The following TENM4 variants were observed in gnomAD, a reference collection of about 807,000 sequenced individuals.
The protein encoded by TENM4 is teneurin-4.
In TENM4, 82 loss-of-function variants were observed where a neutral mutation model predicts 243.3. The ratio of observed to expected loss-of-function variants is 0.34; its 90% CI spans 0.28 to 0.40. TENM4 has a LOEUF of 0.40. Ranked by LOEUF, TENM4 falls within the 10% of genes least tolerant of loss-of-function variation. The pLI is 1.00. For synonymous variants in TENM4, 1,412 were observed against 1,456.3 expected (o/e 0.97, Z 0.69); for missense variants, 3,138 against 3,673.3 (o/e 0.85, Z 3.77).
Position 79,135,773 on chromosome 11 carries a change from C to CATATATATGATATATATCATTAT in TENM4, c.-66+12914_-66+12936dup, listed in dbSNP as rs1565218068. Among the ~76,000 whole-genome samples, 5 of 136,570 alleles carry CATATATATGATATATATCATTAT rather than the reference C, an allele frequency of 3.7e-5. No homozygotes were observed. The East Asian group carries it at 1.0e-3, about 27-fold the overall frequency. The allele number at this position is 136,570 out of a possible 152,430, so 89.6% of individuals were successfully genotyped here. ...TACATATATGTATATATCATATATA[C>CATATATATGATATATATCATTAT]ATATATATGATATATATCATTATAT... On this transcript the variant is annotated intron_variant, in intron 4 of 33. Coordinates refer to ENST00000278550, the MANE Select transcript of TENM4 (RefSeq NM_001098816.3).
chr11:79,177,376 T>C (rs1424465781), intron 3 of TENM4, among the ~76,000 whole-genome samples: 1 of 152,010 alleles, frequency 6.6e-6, no homozygotes, highest in Admixed American at 6.6e-5. Context: ...CCTCTCCTTT[T>C]CTTTTTTTTT....
intron 1 of TENM4, among the ~76,000 whole-genome samples, chr11:79,419,916 A>G (rs1393995140): frequency 2.0e-5 from 3 of 151,970 alleles, no homozygotes; most frequent in Non-Finnish European, 2.9e-5. Context: ...GCGGGGAGGG[A>G]GTTTGAGTAT....
intron 6 of TENM4, among the ~76,000 whole-genome samples, chr11:78,986,743 T>C (rs1857928670): frequency 6.6e-6 from 1 of 152,168 alleles, no homozygotes; most frequent in South Asian, 2.1e-4. Flanking sequence ...CTGACTAATT[T>C]TTGTATTTTT....
chr11:79,042,546 A>C (rs1859562557), intron 6 of TENM4, among the ~76,000 whole-genome samples: 1 of 152,230 alleles, frequency 6.6e-6, no homozygotes. Flanking sequence ...GCAAGCCCTC[A>C]CCAGAAACTG....
intron 3 of TENM4, 93 bp from the exon 4 acceptor site, chr11:79,148,899 G>C (rs1474087042): frequency 1.1e-5 from 3 of 265,812 alleles, no homozygotes; most frequent in African/African-American, 4.6e-5. Flanking sequence ...TGGGAGGTGG[G>C]GGTGAGACGT....
intron 6 of TENM4, among the ~76,000 whole-genome samples, chr11:78,933,853 C>T (rs1033091255): frequency 6.6e-6 from 1 of 152,114 alleles, no homozygotes; most frequent in South Asian, 2.1e-4. Context: ...GTGAGCACCT[C>T]TCTCCCCTTC....
At chr11:79,263,064 G>A (rs1240134912) in intron 2 of TENM4, among the ~76,000 whole-genome samples, 1 of 152,160 alleles carries the variant, frequency 6.6e-6, no homozygotes, top group East Asian at 1.9e-4. Context: ...GAAAGCATTT[G>A]GCCAGAACGC....
At chr11:79,028,945 C>A (rs1204818776) in intron 6 of TENM4, among the ~76,000 whole-genome samples, 2 of 152,100 alleles carry the variant, frequency 1.3e-5, no homozygotes, top group Non-Finnish European at 2.9e-5. Context: ...ATGTGTACAC[C>A]ATTAAGATTG....
chr11:78,934,907 T>G (rs113053361), intron 6 of TENM4, among the ~76,000 whole-genome samples: 137 of 152,120 alleles, frequency 9.0e-4, no homozygotes, highest in Non-Finnish European at 1.4e-3. Context: ...TTTGATTTAC[T>G]ATGCAGGAGG....
chr11:79,047,906 GATAATTATTAAATAA>G (rs1486489359), intron 6 of TENM4, among the ~76,000 whole-genome samples: 1 of 151,336 alleles, frequency 6.6e-6, no homozygotes, highest in Non-Finnish European at 1.5e-5. Flanking sequence ...AGTACTAAAT[GATAATTATTAAATAA>G]ATAATTATTG....
intron 6 of TENM4, among the ~76,000 whole-genome samples, chr11:79,057,859 C>G (rs1859981268): frequency 1.3e-5 from 2 of 152,162 alleles, no homozygotes; most frequent in African/African-American, 4.8e-5. Flanking sequence ...TTGGTTTACC[C>G]CCAAGCTTTG....
intron 14 of TENM4, 122 bp from the exon 15 acceptor site, chr11:78,805,614 G>C: frequency 8.4e-7 from 1 of 1,195,282 alleles, no homozygotes; most frequent in African/African-American, 1.5e-5. Flanking sequence ...AGGATGCATA[G>C]GTCACTTAGT....
intron 1 of TENM4, among the ~76,000 whole-genome samples, chr11:79,306,553 G>C (rs560082383): frequency 6.6e-6 from 1 of 152,276 alleles, no homozygotes; most frequent in Admixed American, 6.5e-5. Context: ...GCTGGGAAGG[G>C]CCTGAGGTCA....
intron 1 of TENM4, among the ~76,000 whole-genome samples, chr11:79,313,142 C>T (rs1565294891): frequency 6.6e-6 from 1 of 152,198 alleles, no homozygotes; most frequent in East Asian, 1.9e-4. Flanking sequence ...CTCTAAGACC[C>T]ATTTTCAGGC....
Position 78,791,374 on chromosome 11 carries a change from T to C in TENM4, c.2180-4291A>G, listed in dbSNP as rs867715832. ...AGCTAAACAGGACTATGCTAAAGAATGTGCTTTGACAGCTCATATGTCTTT... is the reference window on the plus strand; with the variant it reads ...AGCTAAACAGGACTATGCTAAAGAACGTGCTTTGACAGCTCATATGTCTTT... On this transcript the variant is annotated intron_variant, in intron 15 of 33. Transcript: ENST00000278550. 3.3e-5 allele frequency among the ~76,000 whole-genome samples: 5 copies of C among 152,378 alleles called. No homozygotes were observed. In the South Asian group the frequency reaches 6.2e-4, roughly 19 times the overall value.
chr11:78,673,727 CATT>C (rs1858393990), intron 30 of TENM4, among the ~76,000 whole-genome samples: 1 of 152,182 alleles, frequency 6.6e-6, no homozygotes, highest in Admixed American at 6.5e-5. Context: ...GAATTATTTC[CATT>C]AAATGACAGC....
At chr11:79,168,889 A>G (rs1056913821) in intron 3 of TENM4, among the ~76,000 whole-genome samples, 2 of 152,198 alleles carry the variant, frequency 1.3e-5, no homozygotes, top group Non-Finnish European at 2.9e-5. Flanking sequence ...TCAGCTGCCC[A>G]GGTGAACAAG....
intron 28 of TENM4, among the ~76,000 whole-genome samples, chr11:78,698,565 A>T (rs1471362864): frequency 3.9e-5 from 6 of 152,216 alleles, no homozygotes; most frequent in African/African-American, 1.4e-4. Flanking sequence ...AAGGTAGAAA[A>T]TTCACTAGAT....
intron 10 of TENM4, 39 bp from the exon 11 acceptor site, chr11:78,856,217 G>A: frequency 1.3e-6 from 2 of 1,531,054 alleles, no homozygotes; most frequent in Non-Finnish European, 1.8e-6. Context: ...AGACATCTCG[G>A]TTAGCCACAT....
Sources: gnomAD v4.1 joint callset for allele counts (sites outside exome capture counted in the v4.1 genomes callset) on GRCh38, gnomAD v4.1.1 for gene constraint, MANE v1.5 for transcripts, NCBI Gene and HGNC (gene_info 2026-07-23, HGNC 2026-07-21) for gene names.